The following MTMR7 variants were observed in gnomAD, a reference collection of about 807,000 sequenced individuals.
The protein encoded by MTMR7 is myotubularin related protein 7, also known as phosphatidylinositol-3-phosphate phosphatase MTMR7.
Under a neutral mutation model 81.2 loss-of-function variants are expected in MTMR7, and 76 were observed. That is an observed-to-expected ratio of 0.94 (90% CI 0.78 to 1.13). The LOEUF (loss-of-function observed/expected upper bound fraction) is 1.13. MTMR7 is among the 50% of genes most tolerant of loss of function. MTMR7 has a pLI of 0.00. For synonymous variants in MTMR7, 372 were observed against 289.8 expected, an observed-to-expected ratio of 1.28 and a Z score of -2.88; for missense variants, 1,044 against 820.0, an observed-to-expected ratio of 1.27 and a Z score of -3.34.
rs1313536636 is a variant in MTMR7 at position 17,297,977 on chromosome 8, AT to A, written c.*1884del. 2 of 152,096 alleles carry A rather than the reference AT, an allele frequency of 1.3e-5. No individual in the cohort carries two copies. Among genetic ancestry groups the A allele is most frequent in the Admixed American group, 1.3e-4 (2 of 15,272 alleles). 9.4% of individuals were successfully genotyped at this position (152,096 alleles called of 1,614,324 possible). ...AAAACTACATTTTAAAACATCAAATATTTATACTATTTGCTTTTCAAATAAA... is the reference window on the plus strand; with the variant it reads ...AAAACTACATTTTAAAACATCAAATATTATACTATTTGCTTTTCAAATAAA... On this transcript the variant is annotated 3_prime_UTR_variant, in exon 14 of 14. Transcript: ENST00000180173.
At position 17,306,026 on chromosome 8, in the gene MTMR7, A is replaced by G. The variant is rs1817431728; in HGVS notation, c.1152-69T>C. 2.3e-6 allele frequency: 3 copies of G among 1,304,072 alleles called. No individual in the cohort carries two copies. The Admixed American group carries it at 6.6e-5, about 28-fold the overall frequency. 80.8% of individuals were successfully genotyped at this position (1,304,072 alleles called of 1,614,324 possible). On this transcript the variant is annotated intron_variant, in intron 10 of 13. Transcript: ENST00000180173. ...TTAAAGTACAAAGCCATAAATGCAA[A>G]AACAACCATAAAAGCAACCCTAGTT... is the stretch of plus-strand genomic sequence containing the variant.
chr8:17,314,011 G>C (rs1025149590), intron 7 of MTMR7, among the ~76,000 whole-genome samples: 7 of 152,102 alleles, frequency 4.6e-5, no homozygotes, highest in Non-Finnish European at 7.4e-5. Context: ...CTTTCCCTTT[G>C]AGTGAAAATG....
In MTMR7 at chr8:17,299,276, A is replaced by G. The variant is rs1363439295; in HGVS notation, c.*586T>C. 6.6e-6 allele frequency: 1 copy of G among 152,312 alleles called. No homozygotes were observed. Among genetic ancestry groups the G allele is most frequent in the Non-Finnish European group, 1.5e-5 (1 of 68,096 alleles). 9.4% of individuals were successfully genotyped at this position (152,312 alleles called of 1,614,324 possible). On this transcript the variant is annotated 3_prime_UTR_variant, in exon 14 of 14. Coordinates refer to ENST00000180173, the MANE Select transcript of MTMR7 (RefSeq NM_004686.5). Reference sequence around the variant, plus strand: ...GAAAAGCAACAAAATTATTCTCACAATTCAAAATATATGCTCCAAGGAAAA... The same window carrying G: ...GAAAAGCAACAAAATTATTCTCACAGTTCAAAATATATGCTCCAAGGAAAA...
intron 1 of MTMR7, among the ~76,000 whole-genome samples, chr8:17,402,919 T>C (rs1295924771): frequency 6.6e-6 from 1 of 152,224 alleles, no homozygotes; most frequent in African/African-American, 2.4e-5. Flanking sequence ...TTATTGCCTG[T>C]CTTCTGGATA....
intron 1 of MTMR7, among the ~76,000 whole-genome samples, chr8:17,406,787 A>T (rs1443423216): frequency 6.6e-6 from 1 of 152,324 alleles, no homozygotes; most frequent in African/African-American, 2.4e-5. Flanking sequence ...AGAACAGATA[A>T]AACGAAATGA....
chr8:17,346,579 C>A (rs1055542317), intron 5 of MTMR7, among the ~76,000 whole-genome samples: 1 of 152,080 alleles, frequency 6.6e-6, no homozygotes, highest in African/African-American at 2.4e-5. Flanking sequence ...GCTAAAAATT[C>A]TCTTTCTGAG....
chr8:17,370,553 C>CAA (rs5889712), intron 3 of MTMR7, among the ~76,000 whole-genome samples: 24 of 30,852 alleles, frequency 7.8e-4, no homozygotes, highest in African/African-American at 2.3e-3. Context: ...AAAAGTGCCT[C>CAA]AAAAAAAAAA....
intron 1 of MTMR7, among the ~76,000 whole-genome samples, chr8:17,393,438 C>A (rs561969413): frequency 1.1e-4 from 17 of 152,150 alleles, no homozygotes; most frequent in African/African-American, 3.9e-4. Context: ...AGAAAGACAC[C>A]TTACAGAATG....
At chr8:17,392,504 C>G (rs1821134249) in intron 1 of MTMR7, among the ~76,000 whole-genome samples, 1 of 152,198 alleles carries the variant, frequency 6.6e-6, no homozygotes, top group Non-Finnish European at 1.5e-5. Flanking sequence ...ACTAAAAAGC[C>G]AAAGTGTGTT....
chr8:17,370,248 G>T (rs980037165), intron 3 of MTMR7, among the ~76,000 whole-genome samples: 1 of 151,720 alleles, frequency 6.6e-6, no homozygotes, highest in Non-Finnish European at 1.5e-5. Context: ...GGAGGTGCAG[G>T]CATGGTAGTT....
intron 7 of MTMR7, among the ~76,000 whole-genome samples, chr8:17,318,794 CCA>C (rs1400224092): frequency 6.6e-6 from 1 of 152,182 alleles, no homozygotes; most frequent in African/African-American, 2.4e-5. Context: ...TCTGTGCCCC[CCA>C]GGGACAGCTG....
rs767792558 is a variant in MTMR7 at position 17,371,113 on chromosome 8, C to T, written c.234G>A (p.Gln78=). 1 of 1,614,230 alleles carries T rather than the reference C, an allele frequency of 6.2e-7. No individual in the cohort carries two copies. Among genetic ancestry groups the T allele is most frequent in the South Asian group, 1.1e-5 (1 of 91,086 alleles). The change falls in exon 3 of 14, where the codon CAG becomes CAA. Residue 78 remains glutamine (Q), a synonymous_variant. Transcript: ENST00000180173. The part of the protein sequence containing the change: ...CPLLIRCKNF[Q]IIQLIIPQER... ...CCTGAGGTATGATGAGCTGTATTAT[C>T]TGAAAGTTCTTGCAGCGAATCAGCA... is the stretch of plus-strand genomic sequence containing the variant.
chr8:17,344,944 C>G (rs771649985), intron 5 of MTMR7, among the ~76,000 whole-genome samples: 1 of 151,886 alleles, frequency 6.6e-6, no homozygotes, highest in African/African-American at 2.4e-5. Flanking sequence ...CCATGCTGTG[C>G]ACCATCTTAA....
chr8:17,381,069 C>T (rs1022998686), intron 1 of MTMR7, among the ~76,000 whole-genome samples: 8 of 151,644 alleles, frequency 5.3e-5, no homozygotes, highest in African/African-American at 1.9e-4. Context: ...TGTCAGGTTC[C>T]GCAAAAAAAA....
At chr8:17,330,392 C>T (rs1351250572) in intron 7 of MTMR7, among the ~76,000 whole-genome samples, 1 of 152,212 alleles carries the variant, frequency 6.6e-6, no homozygotes, top group African/African-American at 2.4e-5. Flanking sequence ...TTTCTGCATC[C>T]TCTGTCTTTT....
chr8:17,364,021 AT>A (rs36217265), intron 3 of MTMR7, among the ~76,000 whole-genome samples: 10,367 of 70,954 alleles, frequency 0.15, 1,067 homozygotes, highest in Non-Finnish European at 0.19. Context: ...TGTTGCTATT[AT>A]TTTTTTTTTT....
chr8:17,340,870 C>T (rs1326762217), intron 6 of MTMR7, among the ~76,000 whole-genome samples: 2 of 152,086 alleles, frequency 1.3e-5, no homozygotes, highest in Non-Finnish European at 2.9e-5. Flanking sequence ...ACACCTAGAA[C>T]TTTTTATGAA....
chr8:17,393,671 G>A (rs1460136739), intron 1 of MTMR7, among the ~76,000 whole-genome samples: 1 of 151,236 alleles, frequency 6.6e-6, no homozygotes, highest in East Asian at 1.9e-4. Context: ...ACACATCATG[G>A]GGAACAACAC....
At chr8:17,347,786 T>A (rs1237059285) in intron 5 of MTMR7, among the ~76,000 whole-genome samples, 1 of 152,174 alleles carries the variant, frequency 6.6e-6, no homozygotes, top group African/African-American at 2.4e-5. Flanking sequence ...TGGCCACCCA[T>A]AACACTGTAC....
Sources: allele counts gnomAD v4.1 joint callset (sites outside exome capture counted in the v4.1 genomes callset), GRCh38; gene constraint gnomAD v4.1.1; transcripts MANE v1.5; gene names NCBI Gene and HGNC (gene_info 2026-07-23, HGNC 2026-07-21).